Variants in VIPR2 observed in about 807,000 individuals in gnomAD.
VIPR2 encodes vasoactive intestinal peptide receptor 2, also known as vasoactive intestinal polypeptide receptor 2.
A neutral mutation model predicts 58.0 loss-of-function variants in VIPR2; 48 were observed. The observed-to-expected ratio is 0.83, with a 90% confidence interval of 0.66 to 1.05. The LOEUF (loss-of-function observed/expected upper bound fraction) is 1.05, where lower values mean the gene tolerates loss of function less well. Among genes scored for constraint, VIPR2 ranks in the 50% least tolerant of loss-of-function variants. The probability of loss-of-function intolerance (pLI) is 0.00; values close to 1 mark genes in which losing one functional copy is unlikely to be tolerated. For missense variants in VIPR2, 534 were observed against 558.0 expected (o/e 0.96, Z 0.43); for synonymous variants, 243 against 235.2 (o/e 1.03, Z -0.30).
chr7:159,070,618 C>T (rs1856333454), intron 4 of VIPR2, among the ~76,000 whole-genome samples: 1 of 152,156 alleles, frequency 6.6e-6, no homozygotes, highest in African/African-American at 2.4e-5. Flanking sequence ...CCACAAGTCA[C>T]TCGGCCTGTA....
intron 1 of VIPR2, chr7:159,144,412 G>T (rs779770353): frequency 1.3e-6 from 2 of 1,547,202 alleles, no homozygotes; most frequent in South Asian, 1.2e-5. Flanking sequence ...GGACGGCCCC[G>T]AACGAGCTCA....
chr7:159,091,694 G>A (rs563847549), intron 4 of VIPR2, among the ~76,000 whole-genome samples: 21 of 152,282 alleles, frequency 1.4e-4, no homozygotes, highest in African/African-American at 3.6e-4. Context: ...TTCCCGGGAC[G>A]CGAGCACTGG....
At chr7:159,058,944 TC>T (rs1329729557) in intron 4 of VIPR2, among the ~76,000 whole-genome samples, 2 of 152,242 alleles carry the variant, frequency 1.3e-5, no homozygotes, top group East Asian at 3.8e-4. Context: ...TTTCTGACAC[TC>T]CTGGATGAGC....
At chr7:159,047,199 G>C (rs1160028970) in intron 5 of VIPR2, among the ~76,000 whole-genome samples, 1 of 152,190 alleles carries the variant, frequency 6.6e-6, no homozygotes, top group Non-Finnish European at 1.5e-5. Flanking sequence ...AGCCGAGATT[G>C]TGCCATTACG....
Position 159,097,065 on chromosome 7 carries a change from A to G in VIPR2, c.357+6692T>C. On this transcript the variant is annotated intron_variant, in intron 4 of 12. Coordinates refer to ENST00000262178, the MANE Select transcript of VIPR2 (RefSeq NM_003382.5). This position sits in a 1 kb window ranked among gnomAD's most constrained non-coding sequence, Gnocchi z 5.3. Reference sequence around the variant, plus strand: ...GGGTCTCTGGCAGGCTCCTCCTGGCACCCTGGGAGGCTGGTGTGTCCTTGC... The same window carrying G: ...GGGTCTCTGGCAGGCTCCTCCTGGCGCCCTGGGAGGCTGGTGTGTCCTTGC... The G allele has an allele frequency of 6.5e-7, 1 of 1,545,224 alleles. No homozygotes were observed. Among genetic ancestry groups the G allele is most frequent in the Non-Finnish European group, 8.7e-7 (1 of 1,143,556 alleles).
chr7:159,103,589 C>T (rs1160559418), intron 4 of VIPR2, among the ~76,000 whole-genome samples, 168 bp downstream of exon 4: 1 of 152,146 alleles, frequency 6.6e-6, no homozygotes, highest in Non-Finnish European at 1.5e-5. Context: ...GTGCCAGCAG[C>T]AGAACGGAAA....
At chr7:159,045,835 C>A (rs191187677) in intron 5 of VIPR2, among the ~76,000 whole-genome samples, 27 of 151,148 alleles carry the variant, frequency 1.8e-4, no homozygotes, top group Middle Eastern at 7.0e-3. Flanking sequence ...CAAAGAAAAT[C>A]TACAGAATGG....
rs1396029035 is a variant in VIPR2, at chr7:159,030,423, T to C, written c.*193A>G. The stretch of plus-strand genomic sequence containing the variant: ...ACAAGATTATCTAAATGCTGGAGTT[T>C]AAATCGAGTCAATGACAACACGACT... On this transcript the variant is annotated 3_prime_UTR_variant, in exon 13 of 13. Coordinates refer to ENST00000262178, the MANE Select transcript of VIPR2 (RefSeq NM_003382.5). 1 of 560,780 alleles carries C rather than the reference T, an allele frequency of 1.8e-6. No individual in the cohort carries two copies. Among genetic ancestry groups the C allele is most frequent in the African/African-American group, 2.0e-5 (1 of 50,700 alleles). 34.7% of individuals were successfully genotyped at this position (560,780 alleles called of 1,614,324 possible).
intron 2 of VIPR2, among the ~76,000 whole-genome samples, chr7:159,137,412 C>T (rs1352215973): frequency 6.6e-6 from 1 of 152,158 alleles, no homozygotes; most frequent in Non-Finnish European, 1.5e-5. Flanking sequence ...GCTCTGTTGT[C>T]TGTGTTGTCC....
At chr7:159,144,645 G>T in intron 1 of VIPR2, 76 bp downstream of exon 1, 1 of 1,376,440 alleles carries the variant, frequency 7.3e-7, no homozygotes, top group Non-Finnish European at 9.4e-7. Context: ...GCGAAGACCG[G>T]CGGGAGGAGC....
chr7:159,067,540 GA>G (rs1337448213), intron 4 of VIPR2, among the ~76,000 whole-genome samples: 1 of 152,198 alleles, frequency 6.6e-6, no homozygotes, highest in Non-Finnish European at 1.5e-5. Flanking sequence ...CTCGCAACAA[GA>G]AAATGCTCTG....
At chr7:159,042,634 G>A (rs984166018) in intron 6 of VIPR2, among the ~76,000 whole-genome samples, 12 of 152,236 alleles carry the variant, frequency 7.9e-5, no homozygotes, top group Non-Finnish European at 1.6e-4. Context: ...CAGCAATCTG[G>A]AAGGAAGCCT....
At chr7:159,055,027 T>C (rs1221571658) in intron 5 of VIPR2, among the ~76,000 whole-genome samples, 1 of 152,212 alleles carries the variant, frequency 6.6e-6, no homozygotes, top group African/African-American at 2.4e-5. Context: ...ACTAAGAATA[T>C]AACAGCAGCA....
At chr7:159,033,488 A>T (rs11973955) in intron 10 of VIPR2, among the ~76,000 whole-genome samples, 3,542 of 151,346 alleles carry the variant, frequency 0.023, 140 homozygotes, top group African/African-American at 0.08. Flanking sequence ...TTACCTTTTT[A>T]AAAAAAAATA....
intron 2 of VIPR2, among the ~76,000 whole-genome samples, chr7:159,121,850 C>A (rs1218367263): frequency 6.6e-6 from 1 of 152,212 alleles, no homozygotes; most frequent in Non-Finnish European, 1.5e-5. Context: ...AATTGTGGTT[C>A]TTTCCCAGTC....
At position 159,031,410 on chromosome 7, in the gene VIPR2, T is replaced by G. The variant is rs1853573777; in HGVS notation, c.1143+418A>C. 1.0e-6 allele frequency: 1 copy of G among 982,968 alleles called. No individual in the cohort carries two copies. Among genetic ancestry groups the G allele is most frequent in the South Asian group, 4.7e-5 (1 of 21,246 alleles). The allele number at this position is 982,968 out of a possible 1,614,324, so 60.9% of individuals were successfully genotyped here. A position where few individuals can be genotyped will look rare whatever the true frequency, so the allele number is the denominator to read the frequency against. ...GCTGGGAATGAACGCAGGGCAGAGC[T>G]CGGCTCCGGGCTTCCTCCCCAGGGA... On this transcript the variant is annotated intron_variant, in intron 12 of 12. Coordinates refer to ENST00000262178, the MANE Select transcript of VIPR2 (RefSeq NM_003382.5). This position sits in a 1 kb window ranked among gnomAD's most constrained non-coding sequence, Gnocchi z 4.0.
In VIPR2 at chr7:159,030,467, T is replaced by G; in HGVS notation, c.*149A>C. 3.4e-6 allele frequency: 3 copies of G among 884,572 alleles called. No individual in the cohort carries two copies. The highest frequency in any genetic ancestry group is 2.2e-5 in the South Asian group (1 of 45,778). The allele number at this position is 884,572 out of a possible 1,614,324, so 54.8% of individuals were successfully genotyped here. On this transcript the variant is annotated 3_prime_UTR_variant, in exon 13 of 13. Transcript: ENST00000262178. Reference sequence around the variant, plus strand: ...CACGACTCCAATTCCAGGTATGGGGTTTAGTGGACAACCAGCTTGACGGAG... The same window carrying G: ...CACGACTCCAATTCCAGGTATGGGGGTTAGTGGACAACCAGCTTGACGGAG...
chr7:159,106,421 GAGAGAGGCCAGGGAGGGGC>G lies in VIPR2; in HGVS notation c.260-2586_260-2568del, dbSNP rs1200583637. Among the ~76,000 whole-genome samples, 319 of 150,086 alleles carry G rather than the reference GAGAGAGGCCAGGGAGGGGC, an allele frequency of 2.1e-3. 5 individuals carry two copies. The highest frequency in any genetic ancestry group is 7.1e-3 in the African/African-American group (288 of 40,638). On this transcript the variant is annotated intron_variant, in intron 3 of 12. Transcript: ENST00000262178. ...GGTACAGAGAGACCAGGGAGGGGCA[GAGAGAGGCCAGGGAGGGGC>G]AGAGAGGCCAGGGAGGGGCAGAGAG...
chr7:159,060,612 C>T (rs1049760138), intron 4 of VIPR2, among the ~76,000 whole-genome samples: 43 of 151,558 alleles, frequency 2.8e-4, no homozygotes, highest in Non-Finnish European at 2.1e-4. Context: ...TCACCTCATC[C>T]AACACATACT....
Sources: gnomAD v4.1 joint callset for allele counts (sites outside exome capture counted in the v4.1 genomes callset) on GRCh38, gnomAD v4.1.1 for gene constraint, Gnocchi (gnomAD v3.1) non-coding constraint, MANE v1.5 for transcripts, NCBI Gene and HGNC (gene_info 2026-07-23, HGNC 2026-07-21) for gene names.